The following SLIT1 variants were observed in gnomAD, a reference collection of about 807,000 sequenced individuals.
SLIT1 encodes the protein slit guidance ligand 1, also known as slit homolog 1 protein.
Under a neutral mutation model 186.1 loss-of-function variants are expected in SLIT1, and 66 were observed. That is an observed-to-expected ratio of 0.35 (90% CI 0.29 to 0.44). SLIT1 has a LOEUF of 0.44. SLIT1 is among the 20% of genes least tolerant of loss of function. The pLI is 1.00. For missense variants in SLIT1, 1,638 were observed against 2,037.4 expected (o/e 0.80, Z 3.77); for synonymous variants, 761 against 833.8 (o/e 0.91, Z 1.50).
At chr10:97,025,256 C>T (rs1333438638) in intron 25 of SLIT1, among the ~76,000 whole-genome samples, 1 of 151,456 alleles carries the variant, frequency 6.6e-6, no homozygotes, top group African/African-American at 2.4e-5. Context: ...GCCTGGGCAA[C>T]TTGTGGCTCA....
chr10:97,069,908 C>T (rs895749137), intron 4 of SLIT1, among the ~76,000 whole-genome samples: 2 of 152,176 alleles, frequency 1.3e-5, no homozygotes, highest in Non-Finnish European at 2.9e-5. Context: ...AATGGATAAC[C>T]TCCGAGACTA....
At chr10:97,109,004 G>A (rs1849441263) in intron 4 of SLIT1, among the ~76,000 whole-genome samples, 1 of 148,928 alleles carries the variant, frequency 6.7e-6, no homozygotes, top group African/African-American at 2.5e-5. Context: ...TTTACTTCTT[G>A]AGCTTCGGTT....
chr10:97,070,699 A>G (rs2134645502), intron 4 of SLIT1, among the ~76,000 whole-genome samples: 1 of 152,340 alleles, frequency 6.6e-6, no homozygotes, highest in East Asian at 1.9e-4. Context: ...GGCACTGTCT[A>G]TGAAGCCGGA....
rs779995038 is a variant in SLIT1, at chr10:97,064,237, G to A, written c.560C>T (p.Thr187Ile). The change falls in exon 7 of 37, where the codon ACC (threonine) becomes ATC (isoleucine). Residue 187 changes from threonine (T) to isoleucine (I), a missense_variant and splice_region_variant. Transcript: ENST00000266058. ...FRALRGLEVL[T>I]LNNNNITTIP... ...GGTGGTGATATTGTTGTTGTTCAGG[G>A]TCCTAAATGGGAAAAACCAGAGTCA... 6 of 1,613,494 alleles carry A rather than the reference G, an allele frequency of 3.7e-6. No homozygotes were observed. The Admixed American group carries it at 1.0e-4, about 27-fold the overall frequency.
chr10:97,020,619 C>T (rs1377473606), intron 26 of SLIT1, among the ~76,000 whole-genome samples: 2 of 152,250 alleles, frequency 1.3e-5, no homozygotes, highest in African/African-American at 4.8e-5. Context: ...TCTGAGCTTG[C>T]AGAGGGCAGG....
intron 25 of SLIT1, among the ~76,000 whole-genome samples, chr10:97,025,784 T>C (rs1363856446): frequency 6.6e-6 from 1 of 152,228 alleles, no homozygotes; most frequent in Non-Finnish European, 1.5e-5. Context: ...GCCAAGGCCC[T>C]ACCCAGCTCC....
chr10:97,042,133 C>G (rs1848695656), intron 20 of SLIT1, among the ~76,000 whole-genome samples: 1 of 152,106 alleles, frequency 6.6e-6, no homozygotes, highest in Non-Finnish European at 1.5e-5. Flanking sequence ...AAAGTCAAAG[C>G]TCTCCACTGC....
intron 4 of SLIT1, among the ~76,000 whole-genome samples, chr10:97,099,704 G>A (rs1049284729): frequency 1.6e-4 from 24 of 152,184 alleles, no homozygotes; most frequent in African/African-American, 5.8e-4. Flanking sequence ...CCCCTGCCCT[G>A]ACCTAGGAGC....
intron 30 of SLIT1, among the ~76,000 whole-genome samples, chr10:97,011,864 TG>T (rs1279014984): frequency 6.6e-6 from 1 of 152,082 alleles, no homozygotes; most frequent in Non-Finnish European, 1.5e-5. Context: ...TCTGCCTGCA[TG>T]GTCCAGCCAG....
chr10:97,119,946 T>C (rs1481282709), intron 4 of SLIT1, among the ~76,000 whole-genome samples: 2 of 137,714 alleles, frequency 1.5e-5, no homozygotes, highest in African/African-American at 5.3e-5. Flanking sequence ...TATATATATA[T>C]GTATATGTAT....
chr10:97,160,868 G>A (rs2636771), intron 3 of SLIT1, among the ~76,000 whole-genome samples: 67,528 of 151,828 alleles, frequency 0.44, 17,573 homozygotes, highest in Admixed American at 0.59. Context: ...TTACAGGCAC[G>A]TACCACTGTG....
intron 4 of SLIT1, among the ~76,000 whole-genome samples, chr10:97,138,333 G>A (rs978811853): frequency 6.6e-6 from 1 of 152,236 alleles, no homozygotes; most frequent in Non-Finnish European, 1.5e-5. Flanking sequence ...TGTGCCTTCC[G>A]CAATGTACAG....
intron 4 of SLIT1, among the ~76,000 whole-genome samples, chr10:97,143,904 T>C (rs1420579881): frequency 6.6e-6 from 1 of 152,158 alleles, no homozygotes; most frequent in Non-Finnish European, 1.5e-5. Flanking sequence ...AAAGTTAAGA[T>C]TAGATTAAAC....
intron 1 of SLIT1, among the ~76,000 whole-genome samples, chr10:97,177,163 T>TC (rs1170627508): frequency 6.6e-6 from 1 of 152,116 alleles, no homozygotes; most frequent in African/African-American, 2.4e-5. Context: ...TTGAAGCGCT[T>TC]CCCCTGAGGT....
In SLIT1 at chr10:97,096,457, C is replaced by T. The variant is rs1849291166; in HGVS notation, c.414-30371G>A. ...TCTGAGCGCACCTCTGGCAGAGCTGCCTTGCCAGGCTTATTTTTAACAGCT... is the reference window on the plus strand; with the variant it reads ...TCTGAGCGCACCTCTGGCAGAGCTGTCTTGCCAGGCTTATTTTTAACAGCT... On this transcript the variant is annotated intron_variant, in intron 4 of 36. Transcript: ENST00000266058. Among the ~76,000 whole-genome samples the T allele has an allele frequency of 5.3e-5, 8 of 152,088 alleles. No individual in the cohort carries two copies. The South Asian group carries it at 1.7e-3, about 32-fold the overall frequency.
Position 97,185,921 on chromosome 10 carries a change from T to G in SLIT1, c.-247A>C. 2.1e-6 allele frequency: 1 copy of G among 484,028 alleles called. No individual in the cohort carries two copies. The allele number at this position is 484,028 out of a possible 1,614,324, so 30.0% of individuals were successfully genotyped here. A position where few individuals can be genotyped will look rare whatever the true frequency, so the allele number is the denominator to read the frequency against. ...TGCCGTTTCGCCGCCTGCGTCTCCCTCTCCCTCCCTCCAGCTCCCAACTGA... is the reference window on the plus strand; with the variant it reads ...TGCCGTTTCGCCGCCTGCGTCTCCCGCTCCCTCCCTCCAGCTCCCAACTGA... On this transcript the variant is annotated 5_prime_UTR_variant, in exon 1 of 37. Coordinates refer to ENST00000266058, the MANE Select transcript of SLIT1 (RefSeq NM_003061.3).
intron 4 of SLIT1, among the ~76,000 whole-genome samples, chr10:97,146,172 C>T (rs1849814990): frequency 6.6e-6 from 1 of 152,184 alleles, no homozygotes; most frequent in Admixed American, 6.5e-5. Context: ...TTGAAGTGAT[C>T]ACATTTTGCC....
At chr10:97,147,519 A>C (rs1849830838) in intron 4 of SLIT1, among the ~76,000 whole-genome samples, 1 of 152,110 alleles carries the variant, frequency 6.6e-6, no homozygotes, top group Non-Finnish European at 1.5e-5. Context: ...GGGAGGGAGA[A>C]ACTGAGAAGC....
At position 97,054,291 on chromosome 10, in the gene SLIT1, G is replaced by A. The variant is rs937577011; in HGVS notation, c.1301+2030C>T. On this transcript the variant is annotated intron_variant, in intron 13 of 36. Coordinates refer to ENST00000266058, the MANE Select transcript of SLIT1 (RefSeq NM_003061.3). ...CCTCTCTTGCTCCTCCTCTTGTCAC[G>A]TGACGTGCCTACCCTTGCTTCGCCT... is the stretch of plus-strand genomic sequence containing the variant. Among the ~76,000 whole-genome samples, 10 of 151,892 alleles carry A rather than the reference G, an allele frequency of 6.6e-5. No individual in the cohort carries two copies. In the East Asian group the frequency reaches 7.8e-4, roughly 12 times the overall value.
Sources: allele counts gnomAD v4.1 joint callset (sites outside exome capture counted in the v4.1 genomes callset), GRCh38; gene constraint gnomAD v4.1.1; transcripts MANE v1.5; gene names NCBI Gene and HGNC (gene_info 2026-07-23, HGNC 2026-07-21).